PKNOX2: variants seen among roughly 807,000 people sequenced by gnomAD.
The protein encoded by PKNOX2 is PBX/knotted 1 homeobox 2.
Under a neutral mutation model 53.1 loss-of-function variants are expected in PKNOX2, and 14 were observed. The ratio of observed to expected loss-of-function variants is 0.26; its 90% CI spans 0.17 to 0.41. The LOEUF (loss-of-function observed/expected upper bound fraction) is 0.41. Ranked by LOEUF, PKNOX2 falls within the 10% of genes least tolerant of loss-of-function variation. PKNOX2 has a pLI of 1.00. For missense variants in PKNOX2, 496 were observed against 602.8 expected (o/e 0.82, Z 1.85); for synonymous variants, 257 against 242.8 (o/e 1.06, Z -0.54).
intron 6 of PKNOX2, among the ~76,000 whole-genome samples, chr11:125,387,199 C>T (rs1306639018): frequency 4.6e-5 from 7 of 152,196 alleles, no homozygotes; most frequent in Admixed American, 4.6e-4. Flanking sequence ...CAGATCCTTA[C>T]AACCTAGACC....
At chr11:125,326,086 C>T (rs1304161470) in intron 2 of PKNOX2, among the ~76,000 whole-genome samples, 2 of 152,184 alleles carry the variant, frequency 1.3e-5, no homozygotes, top group African/African-American at 4.8e-5. Context: ...GTACAGTACT[C>T]ACCTAGGTAT....
intron 1 of PKNOX2, among the ~76,000 whole-genome samples, chr11:125,190,450 A>G (rs1956810421): frequency 1.3e-5 from 2 of 152,168 alleles, no homozygotes; most frequent in Admixed American, 6.5e-5. Flanking sequence ...TCGTTCTGCG[A>G]TCATGGCCTG....
At chr11:125,346,880 C>T (rs1414481757) in intron 3 of PKNOX2, among the ~76,000 whole-genome samples, 1 of 151,520 alleles carries the variant, frequency 6.6e-6, no homozygotes, top group Non-Finnish European at 1.5e-5. Flanking sequence ...AGACCCAGGG[C>T]CACCGTCCCC....
At chr11:125,358,499 C>T (rs1214176701) in intron 4 of PKNOX2, among the ~76,000 whole-genome samples, 2 of 152,228 alleles carry the variant, frequency 1.3e-5, no homozygotes, top group African/African-American at 2.4e-5. Context: ...AGTGAATGTT[C>T]CATGAGTCAC....
chr11:125,309,217 TC>T (rs1948657371), intron 2 of PKNOX2, among the ~76,000 whole-genome samples: 1 of 149,186 alleles, frequency 6.7e-6, no homozygotes, highest in East Asian at 2.0e-4. Flanking sequence ...TTCCTTTCTC[TC>T]TCTCTTTCTT....
chr11:125,309,480 C>T lies in PKNOX2; in HGVS notation c.-129-22339C>T, dbSNP rs574786845. Among the ~76,000 whole-genome samples, 11 of 151,608 alleles carry T rather than the reference C, an allele frequency of 7.3e-5. No individual in the cohort carries two copies. In the South Asian group the frequency reaches 1.7e-3, roughly 23 times the overall value. On this transcript the variant is annotated intron_variant, in intron 2 of 12. Transcript: ENST00000298282. The stretch of plus-strand genomic sequence containing the variant: ...TCAGCTCACTGCAAACTCCACCTCC[C>T]AGGTTCAAACGATTCTCCCACCTCT...
At chr11:125,207,025 C>CGGGGGTG (rs1939201255) in intron 1 of PKNOX2, among the ~76,000 whole-genome samples, 2 of 119,302 alleles carry the variant, frequency 1.7e-5, no homozygotes, top group East Asian at 2.4e-4. Flanking sequence ...CTTCAGGTGG[C>CGGGGGTG]GGGGGGTGAG....
rs906412845 is a variant in PKNOX2 at position 125,318,273 on chromosome 11, ATT to A, written c.-129-13528_-129-13527del. On this transcript the variant is annotated intron_variant, in intron 2 of 12. Transcript: ENST00000298282. Reference sequence around the variant, plus strand: ...AGGCACCCGCCATCATGCCTGGCTAATTTTTTTTTTTTTTTTTTTGTATTTTT... The same window carrying A: ...AGGCACCCGCCATCATGCCTGGCTAATTTTTTTTTTTTTTTTTGTATTTTT... Among the ~76,000 whole-genome samples, 198 of 133,348 alleles carry A rather than the reference ATT, an allele frequency of 1.5e-3. 1 individual carries two copies. The highest frequency in any genetic ancestry group is 0.013 in the East Asian group (60 of 4,598). The allele number at this position is 133,348 out of a possible 152,430, so 87.5% of individuals were successfully genotyped here.
intron 2 of PKNOX2, chr11:125,259,102 G>C (rs992377554): frequency 6.3e-6 from 1 of 158,014 alleles, no homozygotes; most frequent in East Asian, 1.9e-4. Flanking sequence ...ATTCATTCTC[G>C]GTCATGACAC....
chr11:125,188,358 A>T (rs757376513), intron 1 of PKNOX2, among the ~76,000 whole-genome samples: 1 of 152,190 alleles, frequency 6.6e-6, no homozygotes, highest in Non-Finnish European at 1.5e-5. Flanking sequence ...CTGATAGATC[A>T]TGTCTTCTGG....
At chr11:125,181,310 A>AT (rs1956145548) in intron 1 of PKNOX2, among the ~76,000 whole-genome samples, 1 of 152,244 alleles carries the variant, frequency 6.6e-6, no homozygotes, top group Non-Finnish European at 1.5e-5. Flanking sequence ...CAAGACAAGA[A>AT]TGTGAGATGC....
intron 2 of PKNOX2, among the ~76,000 whole-genome samples, chr11:125,242,122 G>C (rs1472687973): frequency 1.3e-5 from 2 of 152,150 alleles, no homozygotes; most frequent in African/African-American, 4.8e-5. Context: ...CTTCATCTGT[G>C]GTTCCCCGTC....
At chr11:125,217,443 C>G (rs1395850776) in intron 1 of PKNOX2, among the ~76,000 whole-genome samples, 1 of 152,198 alleles carries the variant, frequency 6.6e-6, no homozygotes, top group Non-Finnish European at 1.5e-5. Flanking sequence ...TGGCCATGGA[C>G]ATTCACACTA....
At chr11:125,188,586 A>T (rs1956594599) in intron 1 of PKNOX2, among the ~76,000 whole-genome samples, 1 of 152,178 alleles carries the variant, frequency 6.6e-6, no homozygotes, top group Non-Finnish European at 1.5e-5. Flanking sequence ...CTTTCTGAGG[A>T]TTGGGAGCAA....
At chr11:125,241,657 C>G (rs1456753759) in intron 2 of PKNOX2, among the ~76,000 whole-genome samples, 1 of 152,176 alleles carries the variant, frequency 6.6e-6, no homozygotes, top group African/African-American at 2.4e-5. Flanking sequence ...GAGTTCGAGA[C>G]CAGACTGACC....
chr11:125,226,064 G>T (rs1941658030), intron 1 of PKNOX2, among the ~76,000 whole-genome samples: 1 of 152,206 alleles, frequency 6.6e-6, no homozygotes, highest in Non-Finnish European at 1.5e-5. Flanking sequence ...CTTGCTTCCT[G>T]TGAACCAACA....
intron 2 of PKNOX2, among the ~76,000 whole-genome samples, chr11:125,260,137 C>T (rs952766799): frequency 6.6e-6 from 1 of 152,102 alleles, no homozygotes; most frequent in Non-Finnish European, 1.5e-5. Flanking sequence ...CTCAGCCCCC[C>T]AAAGTGCTGG....
chr11:125,340,225 A>T (rs78812391), intron 3 of PKNOX2, among the ~76,000 whole-genome samples: 314 of 152,328 alleles, frequency 2.1e-3, no homozygotes, highest in African/African-American at 7.4e-3. Flanking sequence ...GCTCGGCAAC[A>T]CAGAAGACAT....
chr11:125,423,233 A>G (rs1956256399), intron 10 of PKNOX2, among the ~76,000 whole-genome samples: 2 of 152,214 alleles, frequency 1.3e-5, no homozygotes, highest in South Asian at 4.1e-4. Flanking sequence ...ACAAGGATTC[A>G]AACCTGGGCA....
Sources: gnomAD v4.1 joint callset for allele counts (sites outside exome capture counted in the v4.1 genomes callset) on GRCh38, gnomAD v4.1.1 for gene constraint, MANE v1.5 for transcripts, NCBI Gene and HGNC (gene_info 2026-07-23, HGNC 2026-07-21) for gene names.